Variants in SOX6 observed in about 807,000 individuals in gnomAD.
SOX6 encodes SRY-box transcription factor 6.
A neutral mutation model predicts 97.8 loss-of-function variants in SOX6; 11 were observed. That is an observed-to-expected ratio of 0.11 (90% CI 0.07 to 0.19). The LOEUF (loss-of-function observed/expected upper bound fraction) is 0.19, where lower values mean the gene tolerates loss of function less well. SOX6 is among the 10% of genes least tolerant of loss of function. The pLI, the probability that SOX6 is intolerant of heterozygous loss-of-function variation, is 1.00. For missense variants in SOX6, 810 were observed against 1,039.5 expected (o/e 0.78, Z 3.04); for synonymous variants, 360 against 371.4 (o/e 0.97, Z 0.35).
At chr11:16,222,142 C>T (rs1029048357) in intron 4 of SOX6, among the ~76,000 whole-genome samples, 25 of 152,144 alleles carry the variant, frequency 1.6e-4, no homozygotes, top group Admixed American at 1.2e-3. Context: ...AGTCCAACAT[C>T]TATTAACCCA....
chr11:16,137,907 A>T (rs1206423894), intron 6 of SOX6, among the ~76,000 whole-genome samples: 1 of 152,090 alleles, frequency 6.6e-6, no homozygotes, highest in African/African-American at 2.4e-5. Flanking sequence ...CCCTGTGAAG[A>T]TGTGCCTTCT....
At chr11:16,515,293 G>T (rs555596700) in intron 4 of SOX6, among the ~76,000 whole-genome samples, 168 of 152,032 alleles carry the variant, frequency 1.1e-3, no homozygotes, top group South Asian at 2.9e-3. Flanking sequence ...TTCTCTGATG[G>T]CCAGTGATTA....
At chr11:16,527,521 A>T (rs1038218162) in intron 4 of SOX6, among the ~76,000 whole-genome samples, 1 of 152,064 alleles carries the variant, frequency 6.6e-6, no homozygotes, top group South Asian at 2.1e-4. Context: ...TTATGTTCCA[A>T]ATTATCTTTT....
chr11:16,139,627 A>G (rs541728960), intron 6 of SOX6, among the ~76,000 whole-genome samples: 3 of 151,748 alleles, frequency 2.0e-5, no homozygotes, highest in African/African-American at 7.2e-5. Context: ...AATATTCCAG[A>G]CTTATCTTGT....
intron 3 of SOX6, among the ~76,000 whole-genome samples, chr11:16,249,159 C>T (rs1465950927): frequency 6.6e-6 from 1 of 151,918 alleles, no homozygotes; most frequent in Admixed American, 6.6e-5. Flanking sequence ...ATTTCTGCAG[C>T]AGGCTTGAAT....
At chr11:15,979,131 C>T (rs1853590754) in intron 15 of SOX6, among the ~76,000 whole-genome samples, 1 of 146,078 alleles carries the variant, frequency 6.8e-6, no homozygotes, top group Non-Finnish European at 1.5e-5. Context: ...ACTTAAAGTC[C>T]TGATCATTCT....
chr11:16,290,954 G>A (rs2134258162), intron 3 of SOX6, among the ~76,000 whole-genome samples: 1 of 152,106 alleles, frequency 6.6e-6, no homozygotes, highest in Admixed American at 6.6e-5. Context: ...GTACATTGTG[G>A]AGCACCTGCA....
At chr11:16,124,968 C>T (rs1849572836) in intron 6 of SOX6, among the ~76,000 whole-genome samples, 1 of 151,962 alleles carries the variant, frequency 6.6e-6, no homozygotes, top group Admixed American at 6.6e-5. Flanking sequence ...CTATTTCCAT[C>T]TTATATATCC....
At chr11:16,488,699 AACCTT>A (rs1221976328) in intron 4 of SOX6, among the ~76,000 whole-genome samples, 2 of 152,162 alleles carry the variant, frequency 1.3e-5, no homozygotes, top group Admixed American at 6.5e-5. Context: ...AGTCCTTCTC[AACCTT>A]ACCTTAGGTC....
At chr11:16,065,296 A>G (rs566832786) in intron 9 of SOX6, among the ~76,000 whole-genome samples, 1 of 152,140 alleles carries the variant, frequency 6.6e-6, no homozygotes, top group East Asian at 1.9e-4. Flanking sequence ...ATGCCTAAAA[A>G]TTAACTAAAA....
chr11:16,326,285 C>T (rs561509772), intron 2 of SOX6, among the ~76,000 whole-genome samples: 1 of 152,152 alleles, frequency 6.6e-6, no homozygotes, highest in African/African-American at 2.4e-5. Flanking sequence ...GATTTCCAGA[C>T]CCTTCATCAT....
intron 3 of SOX6, among the ~76,000 whole-genome samples, chr11:16,675,381 C>T (rs1464726609): frequency 6.6e-6 from 1 of 152,058 alleles, no homozygotes; most frequent in Non-Finnish European, 1.5e-5. Flanking sequence ...AAACTCCTGG[C>T]CTCAAGTGAT....
At chr11:16,634,730 T>G (rs897239858) in intron 3 of SOX6, among the ~76,000 whole-genome samples, 6 of 152,190 alleles carry the variant, frequency 3.9e-5, no homozygotes, top group Non-Finnish European at 8.8e-5. Flanking sequence ...ATTTTTCTAT[T>G]TTATCTCTAA....
intron 8 of SOX6, 126 bp downstream of exon 8, chr11:16,097,483 T>C (rs1462091248): frequency 6.2e-6 from 5 of 800,288 alleles, no homozygotes; most frequent in East Asian, 2.7e-5. Context: ...AAATAAGGTG[T>C]TAATCCTTCT....
chr11:16,001,165 G>A (rs910656268), intron 13 of SOX6, among the ~76,000 whole-genome samples: 7 of 151,930 alleles, frequency 4.6e-5, no homozygotes, highest in African/African-American at 1.7e-4. Context: ...GCTCTCGGCT[G>A]GAAACAAACA....
chr11:16,429,715 T>C (rs1293301971), intron 1 of SOX6, among the ~76,000 whole-genome samples: 1 of 151,888 alleles, frequency 6.6e-6, no homozygotes, highest in Non-Finnish European at 1.5e-5. Context: ...TCAGGAAAAA[T>C]AACTTATAAG....
intron 3 of SOX6, among the ~76,000 whole-genome samples, chr11:16,629,896 T>A (rs542792725): frequency 6.6e-6 from 1 of 152,364 alleles, no homozygotes; most frequent in East Asian, 1.9e-4. Context: ...GAGATGTTCA[T>A]AATATTTTCT....
chr11:16,623,585 CTTTG>C (rs1421580874), intron 3 of SOX6, among the ~76,000 whole-genome samples: 6 of 152,028 alleles, frequency 3.9e-5, no homozygotes, highest in African/African-American at 1.5e-4. Flanking sequence ...ATCTATTTAT[CTTTG>C]TTTTTGTCGC....
intron 4 of SOX6, among the ~76,000 whole-genome samples, chr11:16,521,909 C>T (rs999241836): frequency 1.2e-4 from 18 of 151,850 alleles, no homozygotes; most frequent in African/African-American, 2.4e-4. Flanking sequence ...TGAAATGAAG[C>T]GAGAAGAGAA....
Sources: gnomAD v4.1 joint callset for allele counts (sites outside exome capture counted in the v4.1 genomes callset) on GRCh38, gnomAD v4.1.1 for gene constraint, MANE v1.5 for transcripts, NCBI Gene and HGNC (gene_info 2026-07-23, HGNC 2026-07-21) for gene names.